Variants in LCORL observed in about 807,000 individuals in gnomAD.
The protein encoded by LCORL is ligand dependent nuclear receptor corepressor like, also known as ligand-dependent nuclear receptor corepressor-like protein.
LCORL carries 41 observed loss-of-function variants against 141.8 expected under a neutral mutation model. The ratio of observed to expected loss-of-function variants is 0.29; its 90% CI spans 0.23 to 0.38. LCORL has a LOEUF of 0.38. Among genes scored for constraint, LCORL ranks in the 10% least tolerant of loss-of-function variants. The pLI is 1.00. For synonymous variants in LCORL, 618 were observed against 694.1 expected (o/e 0.89, Z 1.72); for missense variants, 1,759 against 2,035.0 (o/e 0.86, Z 2.61).
chr4:17,978,725 GTTAT>G (rs1287908339), intron 1 of LCORL, among the ~76,000 whole-genome samples: 2 of 152,172 alleles, frequency 1.3e-5, no homozygotes, highest in East Asian at 1.9e-4. Flanking sequence ...TCCCAAAGGT[GTTAT>G]TTGTCAGGTT....
chr4:17,954,535 T>C (rs1712176924), intron 4 of LCORL, among the ~76,000 whole-genome samples: 1 of 152,200 alleles, frequency 6.6e-6, no homozygotes, highest in African/African-American at 2.4e-5. Context: ...AATGATCTGG[T>C]TGAGGCTTTA....
chr4:17,977,769 T>G (rs1454881126), intron 1 of LCORL, among the ~76,000 whole-genome samples: 1 of 152,204 alleles, frequency 6.6e-6, no homozygotes, highest in Admixed American at 6.5e-5. Flanking sequence ...TTGTTAATTT[T>G]GATGATTAAT....
rs74740459 is a variant in LCORL, at chr4:18,002,815, A to G, written c.154+18783T>C. 2.0e-5 allele frequency among the ~76,000 whole-genome samples: 3 copies of G among 152,232 alleles called. No individual in the cohort carries two copies. The East Asian group carries it at 5.8e-4, about 29-fold the overall frequency. On this transcript the variant is annotated intron_variant, in intron 1 of 7. Coordinates refer to ENST00000635767, the Ensembl canonical transcript of LCORL. ...TCTTCATATATTCTCTTGGGAAGGT[A>G]TTCTCTCAGGAAAGCTTTTGATTTC...
In LCORL at chr4:17,958,132, G is replaced by T. The variant is rs376222089; in HGVS notation, c.430+3771C>A. On this transcript the variant is annotated intron_variant, in intron 4 of 7. Transcript: ENST00000635767. ...CCCAAAAGGCACGGGAAAATAAAAA[G>T]GTTTTTAATATAAAACCTGGCTATC... is the stretch of plus-strand genomic sequence containing the variant. Among the ~76,000 whole-genome samples, 39 of 151,862 alleles carry T rather than the reference G, an allele frequency of 2.6e-4. No individual in the cohort carries two copies. The South Asian group carries it at 3.9e-3, about 15-fold the overall frequency.
exon 7 of LCORL, chr4:17,876,312 C>A: frequency 8.9e-6 from 11 of 1,230,848 alleles, no homozygotes; most frequent in Non-Finnish European, 1.1e-5. Context: ...TTTTGATAAG[C>A]TCTGTTCTTT....
chr4:17,896,091 C>T (rs185419418), intron 5 of LCORL, among the ~76,000 whole-genome samples: 77 of 152,168 alleles, frequency 5.1e-4, no homozygotes, highest in Middle Eastern at 3.4e-3. Context: ...TAACTGGATG[C>T]GCAACCTTTT....
intron 4 of LCORL, among the ~76,000 whole-genome samples, chr4:17,920,443 G>C (rs1051761658): frequency 6.6e-6 from 1 of 152,172 alleles, no homozygotes; most frequent in African/African-American, 2.4e-5. Context: ...TGCTGGTGGA[G>C]GGCTTTGCCT....
intron 7 of LCORL, among the ~76,000 whole-genome samples, chr4:17,865,243 C>T (rs57654001): frequency 0.037 from 5,575 of 152,210 alleles, 336 homozygotes; most frequent in African/African-American, 0.13. Context: ...TGCATAGATT[C>T]TCGGCCATAT....
intron 1 of LCORL, among the ~76,000 whole-genome samples, chr4:17,985,608 C>T (rs1234618745): frequency 6.6e-6 from 1 of 151,802 alleles, no homozygotes; most frequent in Non-Finnish European, 1.5e-5. Context: ...TTCTCATTTC[C>T]GTTTGGTAGA....
At chr4:18,016,613 T>C (rs6831102) in intron 1 of LCORL, among the ~76,000 whole-genome samples, 37,044 of 152,056 alleles carry the variant, frequency 0.24, 5,875 homozygotes, top group African/African-American at 0.45. Context: ...CAATGTAAAA[T>C]ACCTGATTTT....
At chr4:17,963,990 T>C (rs1392284881) in intron 2 of LCORL, among the ~76,000 whole-genome samples, 2 of 152,116 alleles carry the variant, frequency 1.3e-5, no homozygotes, top group Non-Finnish European at 2.9e-5. Context: ...AATGCACAGA[T>C]AATAAAGTTT....
chr4:17,911,478 A>G (rs1028365322), intron 4 of LCORL, among the ~76,000 whole-genome samples: 3 of 152,284 alleles, frequency 2.0e-5, no homozygotes, highest in Non-Finnish European at 4.4e-5. Context: ...TCAGTGCAAC[A>G]TGAGTTCTGC....
chr4:17,911,479 T>C (rs1472855756), intron 4 of LCORL, among the ~76,000 whole-genome samples: 1 of 152,200 alleles, frequency 6.6e-6, no homozygotes, highest in Non-Finnish European at 1.5e-5. Context: ...CAGTGCAACA[T>C]GAGTTCTGCT....
At chr4:17,933,137 T>C (rs1013213882) in intron 4 of LCORL, among the ~76,000 whole-genome samples, 6 of 152,176 alleles carry the variant, frequency 3.9e-5, no homozygotes, top group African/African-American at 1.4e-4. Flanking sequence ...TTTACCAGGA[T>C]GTCTCAAAAT....
At chr4:17,842,153 G>A (rs941010036) in exon 8 of LCORL, 4 of 574,620 alleles carry the variant, frequency 7.0e-6, no homozygotes, top group Non-Finnish European at 1.3e-5. Context: ...TTCTGTGGCA[G>A]TGATAACTGG....
At chr4:17,962,435 T>G (rs1714007968) in intron 3 of LCORL, among the ~76,000 whole-genome samples, 1 of 151,934 alleles carries the variant, frequency 6.6e-6, no homozygotes, top group African/African-American at 2.4e-5. Flanking sequence ...CTCACAACAG[T>G]AGAAAAGAAA....
At chr4:17,854,838 A>T (rs1488726902) in intron 7 of LCORL, among the ~76,000 whole-genome samples, 1 of 152,186 alleles carries the variant, frequency 6.6e-6, no homozygotes, top group Non-Finnish European at 1.5e-5. Context: ...GAAGAACATG[A>T]TGGTTAAGAA....
rs886186839 is a variant in LCORL at position 17,893,390 on chromosome 4, A to G, written c.683-7229T>C. ...GCTAAGTAAATGAATTTAAGTATTA[A>G]AATGATTCTGCAGAAAAATACTTAG... On this transcript the variant is annotated intron_variant, in intron 5 of 7. Transcript: ENST00000635767. 4 of 971,508 alleles carry G rather than the reference A, an allele frequency of 4.1e-6. No individual in the cohort carries two copies. The African/African-American group carries it at 7.0e-5, about 17-fold the overall frequency. 60.2% of individuals were successfully genotyped at this position (971,508 alleles called of 1,614,324 possible). A position where few individuals can be genotyped will look rare whatever the true frequency, so the allele number is the denominator to read the frequency against.
At chr4:17,923,021 C>T (rs1248771701) in intron 4 of LCORL, among the ~76,000 whole-genome samples, 1 of 152,180 alleles carries the variant, frequency 6.6e-6, no homozygotes, top group African/African-American at 2.4e-5. Context: ...CAGGACCCAA[C>T]CCCAACACCC....
Sources: allele counts gnomAD v4.1 joint callset (sites outside exome capture counted in the v4.1 genomes callset), GRCh38; gene constraint gnomAD v4.1.1; transcripts MANE v1.5; gene names NCBI Gene and HGNC (gene_info 2026-07-23, HGNC 2026-07-21).